Variants in ZC3H12C observed in about 807,000 individuals in gnomAD.
ZC3H12C encodes zinc finger CCCH-type containing 12C.
In ZC3H12C, 20 loss-of-function variants were observed where a neutral mutation model predicts 76.3. That is an observed-to-expected ratio of 0.26 (90% CI 0.18 to 0.38). The LOEUF (loss-of-function observed/expected upper bound fraction) is 0.38, where lower values mean the gene tolerates loss of function less well. Ranked by LOEUF, ZC3H12C falls within the 10% of genes least tolerant of loss-of-function variation. The pLI is 1.00. For synonymous variants in ZC3H12C, 352 were observed against 399.6 expected (o/e 0.88, Z 1.42); for missense variants, 874 against 1,086.5 (o/e 0.80, Z 2.75).
chr11:110,165,230 G>T lies in ZC3H12C; in HGVS notation c.2145G>T (p.Val715=). ...HLALHLPHSA[V]GARSSCPGDY... ...CTCTGCACCTGCCGCACTCCGCTGT[G>T]GGCGCCCGGTCCAGCTGTCCTGGCG... Residue 715 remains valine, a synonymous_variant, in exon 6 of 6, where the codon GTG becomes GTT. Transcript: ENST00000278590. 2 of 1,613,994 alleles carry T rather than the reference G, an allele frequency of 1.2e-6. No homozygotes were observed. The highest frequency in any genetic ancestry group is 1.7e-6 in the Non-Finnish European group (2 of 1,179,902).
In ZC3H12C at chr11:110,112,997, C is replaced by A. The variant is rs1360795497; in HGVS notation, c.21+19565C>A. On this transcript the variant is annotated intron_variant, in intron 1 of 5. Transcript: ENST00000278590. ...CTGGTTTAAAGTTCTTATCGCCCCCCCCTACCAAAAAAAAAGATTTAAAAA... is the reference window on the plus strand; with the variant it reads ...CTGGTTTAAAGTTCTTATCGCCCCCACCTACCAAAAAAAAAGATTTAAAAA... Among the ~76,000 whole-genome samples the A allele has an allele frequency of 7.7e-5, 6 of 77,544 alleles. No individual in the cohort carries two copies. In the South Asian group the frequency reaches 1.0e-3, roughly 13 times the overall value. The allele number at this position is 77,544 out of a possible 152,430, so 50.9% of individuals were successfully genotyped here.
At chr11:110,116,957 T>C (rs1861537437) in intron 1 of ZC3H12C, among the ~76,000 whole-genome samples, 1 of 152,216 alleles carries the variant, frequency 6.6e-6, no homozygotes, top group Non-Finnish European at 1.5e-5. Flanking sequence ...TAGAATAAAT[T>C]GTACCCTGGA....
chr11:110,105,650 TC>T (rs1169636395), intron 1 of ZC3H12C, among the ~76,000 whole-genome samples: 1 of 152,172 alleles, frequency 6.6e-6, no homozygotes, highest in Non-Finnish European at 1.5e-5. Flanking sequence ...ATTCTTTTTT[TC>T]ATCTTTTAAA....
chr11:110,125,650 G>A (rs1389155448), intron 1 of ZC3H12C, among the ~76,000 whole-genome samples: 3 of 152,086 alleles, frequency 2.0e-5, no homozygotes, highest in Admixed American at 6.5e-5. Flanking sequence ...TCTGTACTGG[G>A]TGTCTGATGT....
rs1862517631 is a variant in ZC3H12C at position 110,163,436 on chromosome 11, CTTT to C, written c.1255+59_1255+61del. 2.2e-6 allele frequency: 3 copies of C among 1,390,786 alleles called. No homozygotes were observed. In the Admixed American group the frequency reaches 7.3e-5, roughly 34 times the overall value. 86.2% of individuals were successfully genotyped at this position (1,390,786 alleles called of 1,614,324 possible). A position where few individuals can be genotyped will look rare whatever the true frequency, so the allele number is the denominator to read the frequency against. On this transcript the variant is annotated intron_variant, in intron 5 of 5. Coordinates refer to ENST00000278590, the MANE Select transcript of ZC3H12C (RefSeq NM_033390.2). ...CTTTAGAACACAATATATTATTAAA[CTTT>C]TGTTAACAAAAATGAACACTTAAAA...
chr11:110,143,543 G>A (rs1862105472), intron 2 of ZC3H12C, among the ~76,000 whole-genome samples: 1 of 151,610 alleles, frequency 6.6e-6, no homozygotes, highest in Admixed American at 6.6e-5. Context: ...TAATTATTCT[G>A]TGATTAAAAT....
At chr11:110,096,545 CA>C (rs2134139343) in intron 1 of ZC3H12C, among the ~76,000 whole-genome samples, 1 of 152,322 alleles carries the variant, frequency 6.6e-6, no homozygotes, top group East Asian at 1.9e-4. Context: ...GTAACTTGCC[CA>C]AAGTCATATA....
At chr11:110,143,931 G>T (rs1862115064) in intron 2 of ZC3H12C, among the ~76,000 whole-genome samples, 1 of 152,214 alleles carries the variant, frequency 6.6e-6, no homozygotes, top group South Asian at 2.1e-4. Context: ...TAAAGTAATA[G>T]AAGTTTTATA....
chr11:110,128,342 C>T (rs1439033749), intron 1 of ZC3H12C, among the ~76,000 whole-genome samples: 1 of 152,164 alleles, frequency 6.6e-6, no homozygotes, highest in African/African-American at 2.4e-5. Flanking sequence ...CTAAATACCA[C>T]AGCAGGATCT....
intron 1 of ZC3H12C, among the ~76,000 whole-genome samples, chr11:110,117,842 TAC>T (rs879315428): frequency 0.032 from 4,150 of 127,908 alleles, 753 homozygotes; most frequent in African/African-American, 0.094. Flanking sequence ...AATATATATA[TAC>T]ACACACACAT....
intron 1 of ZC3H12C, chr11:110,131,525 A>G (rs533764222): frequency 1.1e-5 from 2 of 186,592 alleles, no homozygotes; most frequent in African/African-American, 4.8e-5. Context: ...TGTTGTCTTA[A>G]AAGTCTAGCT....
chr11:110,093,558 C>T (rs983931091), intron 1 of ZC3H12C, 126 bp downstream of exon 1: 4 of 656,900 alleles, frequency 6.1e-6, no homozygotes, highest in African/African-American at 5.8e-5. Context: ...GCCGCAGCGA[C>T]CTCGCCGTGT....
intron 1 of ZC3H12C, among the ~76,000 whole-genome samples, chr11:110,123,320 A>G (rs1340900613): frequency 6.6e-6 from 1 of 152,230 alleles, no homozygotes; most frequent in East Asian, 1.9e-4. Context: ...AATTGAAGAT[A>G]ATCTTTTTTA....
chr11:110,107,070 A>C (rs6589114), intron 1 of ZC3H12C, among the ~76,000 whole-genome samples: 107,032 of 152,116 alleles, frequency 0.7, 37,931 homozygotes, highest in East Asian at 0.89. Flanking sequence ...CAAATGTGAT[A>C]AACTTAAAAA....
chr11:110,125,360 C>T (rs187522086), intron 1 of ZC3H12C, among the ~76,000 whole-genome samples: 18 of 151,244 alleles, frequency 1.2e-4, no homozygotes, highest in African/African-American at 4.4e-4. Flanking sequence ...CTCGCTCTGT[C>T]ATACAGGCTG....
chr11:110,121,058 G>A (rs1038131130), intron 1 of ZC3H12C, among the ~76,000 whole-genome samples: 1 of 152,132 alleles, frequency 6.6e-6, no homozygotes, highest in Non-Finnish European at 1.5e-5. Flanking sequence ...CTCTGGCCAG[G>A]CTTCATCCAG....
chr11:110,117,905 ACATATATAT>A (rs1215896048), intron 1 of ZC3H12C, among the ~76,000 whole-genome samples: 10 of 122,738 alleles, frequency 8.1e-5, no homozygotes, highest in African/African-American at 2.9e-4. Context: ...ATACACACAC[ACATATATAT>A]TATATATATA....
rs548853937 is a variant in ZC3H12C, at chr11:110,109,891, T to TA, written c.21+16460dup. ...GTTGGCTGGTTTGTTTTTGGCTTTC[T>TA]ATCTGCCTCTAACTTCTCATTTTTA... On this transcript the variant is annotated intron_variant, in intron 1 of 5. Coordinates refer to ENST00000278590, the MANE Select transcript of ZC3H12C (RefSeq NM_033390.2). Among the ~76,000 whole-genome samples the TA allele has an allele frequency of 3.5e-4, 53 of 152,336 alleles. 1 individual carries two copies. In the South Asian group the frequency reaches 0.01, roughly 29 times the overall value.
intron 3 of ZC3H12C, among the ~76,000 whole-genome samples, chr11:110,155,947 G>A (rs604306): frequency 0.69 from 104,466 of 151,686 alleles, 36,747 homozygotes; most frequent in South Asian, 0.79. Flanking sequence ...ACAATATTTA[G>A]GCATGTAAAT....
Sources: gnomAD v4.1 joint callset for allele counts (sites outside exome capture counted in the v4.1 genomes callset) on GRCh38, gnomAD v4.1.1 for gene constraint, MANE v1.5 for transcripts, NCBI Gene and HGNC (gene_info 2026-07-23, HGNC 2026-07-21) for gene names.